Variants in CFAP251 observed in about 807,000 individuals in gnomAD.
CFAP251 encodes cilia and flagella associated protein 251.
CFAP251 carries 93 observed loss-of-function variants against 126.7 expected under a neutral mutation model. The ratio of observed to expected loss-of-function variants is 0.73; its 90% CI spans 0.62 to 0.87. The LOEUF is 0.87. Ranked by LOEUF, CFAP251 falls within the 40% of genes least tolerant of loss-of-function variation. The pLI is 0.00. For missense variants in CFAP251, 1,287 were observed against 1,389.2 expected, an observed-to-expected ratio of 0.93 and a Z score of 1.17; for synonymous variants, 503 against 506.9, an observed-to-expected ratio of 0.99 and a Z score of 0.10.
intron 14 of CFAP251, among the ~76,000 whole-genome samples, chr12:121,961,372 T>C (rs1881932116): frequency 1.4e-5 from 2 of 141,674 alleles, no homozygotes; most frequent in Non-Finnish European, 3.1e-5. Flanking sequence ...CTCCATCCAT[T>C]CATCCATCTG....
chr12:121,997,132 A>G (rs1269754170), intron 19 of CFAP251: 1 of 152,244 alleles, frequency 6.6e-6, no homozygotes, highest in Non-Finnish European at 1.5e-5. Context: ...GATGAACCAC[A>G]TAGAGCAGTG....
At chr12:121,962,368 A>G (rs1457422782) in intron 15 of CFAP251, among the ~76,000 whole-genome samples, 1 of 152,210 alleles carries the variant, frequency 6.6e-6, no homozygotes. Flanking sequence ...GATGTGCAGA[A>G]TCCAGGAAGG....
chr12:121,936,897 A>G lies in CFAP251; in HGVS notation c.998+2541A>G, dbSNP rs1264407485. Among the ~76,000 whole-genome samples, 4 of 152,182 alleles carry G rather than the reference A, an allele frequency of 2.6e-5. No individual in the cohort carries two copies. The East Asian group carries it at 7.7e-4, about 29-fold the overall frequency. On this transcript the variant is annotated intron_variant, in intron 5 of 21. Coordinates refer to ENST00000288912, the MANE Select transcript of CFAP251 (RefSeq NM_144668.6). ...TGGAAGGGGAGAAGGGAAGGGGCCC[A>G]GGGGAATTCAGAGTGACATGAAAGA...
intron 3 of CFAP251, among the ~76,000 whole-genome samples, chr12:121,930,813 A>ATC (rs1322516385): frequency 8.3e-5 from 12 of 145,390 alleles, no homozygotes; most frequent in Non-Finnish European, 1.5e-4. Context: ...CAGTGGCACG[A>ATC]TCTTAGCTCA....
intron 1 of CFAP251, among the ~76,000 whole-genome samples, chr12:121,919,649 G>A (rs1330987560): frequency 6.6e-6 from 1 of 152,120 alleles, no homozygotes; most frequent in African/African-American, 2.4e-5. Context: ...TGGTGGAAAT[G>A]GGATTCAATG....
intron 12 of CFAP251, 97 bp from the exon 13 acceptor site, chr12:121,958,846 G>C: frequency 7.2e-7 from 1 of 1,391,758 alleles, no homozygotes; most frequent in Non-Finnish European, 9.8e-7. Flanking sequence ...TGTGTTAGTT[G>C]CTGTCTTCTC....
chr12:121,956,638 G>A (rs1881736814), intron 10 of CFAP251, among the ~76,000 whole-genome samples: 1 of 152,124 alleles, frequency 6.6e-6, no homozygotes, highest in Non-Finnish European at 1.5e-5. Context: ...TGGGATTACA[G>A]GTGCACACCA....
At chr12:121,996,050 G>A (rs1479933254) in intron 19 of CFAP251, among the ~76,000 whole-genome samples, 3 of 152,140 alleles carry the variant, frequency 2.0e-5, no homozygotes, top group Non-Finnish European at 4.4e-5. Flanking sequence ...AGGGTGAAGG[G>A]TACTTGAGAT....
At chr12:121,956,960 A>T in intron 10 of CFAP251, 114 bp from the exon 11 acceptor site, 1 of 746,896 alleles carries the variant, frequency 1.3e-6, no homozygotes, top group Non-Finnish European at 2.0e-6. Context: ...TGGGAGTATT[A>T]AATTAAGTTT....
intron 19 of CFAP251, among the ~76,000 whole-genome samples, chr12:121,979,563 CTTTTTTTT>C (rs71082922): frequency 1.2e-5 from 1 of 84,978 alleles, no homozygotes; most frequent in Non-Finnish European, 2.3e-5. Flanking sequence ...CTTTCTTCTT[CTTTTTTTT>C]TTTTTTTTTT....
chr12:121,944,130 T>G (rs1449386096), intron 7 of CFAP251, among the ~76,000 whole-genome samples: 1 of 152,194 alleles, frequency 6.6e-6, no homozygotes, highest in Non-Finnish European at 1.5e-5. Flanking sequence ...CTTGTCTCAT[T>G]CATCCTTGCA....
chr12:121,942,703 TC>T, intron 6 of CFAP251, 58 bp downstream of exon 6: 1 of 1,402,386 alleles, frequency 7.1e-7, no homozygotes, highest in Non-Finnish European at 9.9e-7. Flanking sequence ...GTGCAGCGTG[TC>T]CCCATGGGCA....
intron 15 of CFAP251, among the ~76,000 whole-genome samples, chr12:121,966,227 C>T (rs1198583901): frequency 4.7e-5 from 1 of 21,090 alleles, no homozygotes; most frequent in Non-Finnish European, 9.2e-5. Flanking sequence ...CCCTTCCCTC[C>T]CCTCCCCTCC....
intron 9 of CFAP251, chr12:121,953,392 C>T (rs1881601644): frequency 2.0e-5 from 3 of 152,238 alleles, no homozygotes; most frequent in South Asian, 4.1e-4. Flanking sequence ...TTATTTGTCA[C>T]ACTGCACATG....
chr12:121,953,891 C>T, intron 9 of CFAP251: 2 of 511,090 alleles, frequency 3.9e-6, no homozygotes, highest in South Asian at 5.1e-5. Context: ...TTTAAACAAA[C>T]AATGTAATTG....
At chr12:121,980,963 GCT>G (rs1882605924) in intron 19 of CFAP251, among the ~76,000 whole-genome samples, 1 of 152,208 alleles carries the variant, frequency 6.6e-6, no homozygotes, top group Non-Finnish European at 1.5e-5. Flanking sequence ...AGCAGGCTGC[GCT>G]CTCGTAGGGG....
At chr12:121,987,997 C>A (rs1437284993) in intron 19 of CFAP251, among the ~76,000 whole-genome samples, 1 of 151,904 alleles carries the variant, frequency 6.6e-6, no homozygotes, top group African/African-American at 2.4e-5. Context: ...TTCTTTATAT[C>A]TCCATTGTTA....
intron 17 of CFAP251, chr12:121,968,939 A>C (rs1882242753): frequency 1.0e-6 from 1 of 985,384 alleles, no homozygotes. Context: ...ACAAGCACCC[A>C]CACTGTCCTC....
intron 5 of CFAP251, 56 bp from the exon 6 acceptor site, chr12:121,942,478 C>T: frequency 7.4e-7 from 1 of 1,347,798 alleles, no homozygotes; most frequent in Non-Finnish European, 1.0e-6. Flanking sequence ...CCCTGGGACT[C>T]TCTGGGAAGC....
Sources: gnomAD v4.1 joint callset for allele counts (sites outside exome capture counted in the v4.1 genomes callset) on GRCh38, gnomAD v4.1.1 for gene constraint, MANE v1.5 for transcripts, NCBI Gene and HGNC (gene_info 2026-07-23, HGNC 2026-07-21) for gene names.